Variants in NRXN1 observed in about 807,000 individuals in gnomAD.
NRXN1 encodes neurexin-1.
NRXN1 carries 39 observed loss-of-function variants against 150.9 expected under a neutral mutation model. The observed-to-expected ratio is 0.26, with a 90% CI of 0.20 to 0.34. The LOEUF is 0.34. NRXN1 is among the 10% of genes least tolerant of loss of function. The pLI is 1.00. For synonymous variants in NRXN1, 924 were observed against 757.0 expected (o/e 1.22, Z -3.62); for missense variants, 1,815 against 1,949.9 (o/e 0.93, Z 1.30).
chr2:50,901,332 G>A (rs552011083), intron 5 of NRXN1, among the ~76,000 whole-genome samples: 9 of 152,044 alleles, frequency 5.9e-5, no homozygotes, highest in Non-Finnish European at 7.4e-5. Flanking sequence ...TCAGGAGATC[G>A]AGACCATCCT....
Position 50,538,282 on chromosome 2 carries a change from G to A in NRXN1, c.2114C>T (p.Thr705Ile). ...CTCACAGGACCTGCCAAGATAGCCT[G>A]TTCCGGAACAATCACAGACATATCT... ...WNRYVCDCSGTGYLGRSCERE... is the reference protein window; with the variant it reads ...WNRYVCDCSGIGYLGRSCERE... The change falls in exon 10 of 23, where the codon ACA becomes ATA. Residue 705 changes from threonine (T) to isoleucine (I), a missense_variant. By Grantham distance (89) the Thr-to-Ile change is moderately conservative. This residue lies in a region of NRXN1 where 638 missense variants were observed against 652.6 expected (regional missense o/e 0.98). Coordinates refer to ENST00000401669, the MANE Select transcript of NRXN1 (RefSeq NM_001330078.2). 1 of 1,613,454 alleles carries A rather than the reference G, an allele frequency of 6.2e-7. No homozygotes were observed. Among genetic ancestry groups the A allele is most frequent in the Non-Finnish European group, 8.5e-7 (1 of 1,179,458 alleles).
At position 49,997,132 on chromosome 2, in the gene NRXN1, T is replaced by C. The variant is rs1683132535; in HGVS notation, c.4129-53341A>G. On this transcript the variant is annotated intron_variant, in intron 21 of 22. Coordinates refer to ENST00000401669, the MANE Select transcript of NRXN1 (RefSeq NM_001330078.2). The stretch of plus-strand genomic sequence containing the variant: ...GAAATCTTTTTCGAACACAGTACGT[T>C]TGAAATACCAATGGGTCAACACGGT... Among the ~76,000 whole-genome samples, 6 of 152,128 alleles carry C rather than the reference T, an allele frequency of 3.9e-5. No individual in the cohort carries two copies. The South Asian group carries it at 1.2e-3, about 31-fold the overall frequency.
intron 21 of NRXN1, among the ~76,000 whole-genome samples, chr2:50,028,305 G>C (rs377515826): frequency 6.6e-6 from 1 of 152,118 alleles, no homozygotes; most frequent in African/African-American, 2.4e-5. Flanking sequence ...TTAAAGACAG[G>C]TTTTTACCCA....
intron 17 of NRXN1, among the ~76,000 whole-genome samples, chr2:50,242,272 C>A (rs2066071085): frequency 1.3e-5 from 2 of 151,620 alleles, no homozygotes; most frequent in South Asian, 4.1e-4. Context: ...AGAATTTCTA[C>A]CTATATGGAG....
intron 5 of NRXN1, among the ~76,000 whole-genome samples, chr2:50,679,232 T>C (rs571167448): frequency 2.6e-5 from 4 of 152,186 alleles, no homozygotes; most frequent in South Asian, 2.1e-4. Context: ...CTCCAGGTGA[T>C]GGGATAGGTT....
chr2:50,779,637 G>A (rs912823739), intron 5 of NRXN1, among the ~76,000 whole-genome samples: 34 of 151,990 alleles, frequency 2.2e-4, no homozygotes, highest in Admixed American at 8.5e-4. Context: ...GCGTGGTGGC[G>A]GGTGCCTGTA....
intron 18 of NRXN1, among the ~76,000 whole-genome samples, chr2:50,121,544 A>T (rs1347173941): frequency 6.6e-6 from 1 of 152,154 alleles, no homozygotes. Context: ...AAATATCAAC[A>T]CTATGGATTT....
At chr2:50,709,602 C>A (rs1386370392) in intron 5 of NRXN1, among the ~76,000 whole-genome samples, 1 of 152,054 alleles carries the variant, frequency 6.6e-6, no homozygotes, top group African/African-American at 2.4e-5. Context: ...ATTTGGTTAC[C>A]TGAGATATGA....
intron 10 of NRXN1, 30 bp from the exon 11 acceptor site, chr2:50,531,460 C>A (rs753209629): frequency 1.9e-6 from 3 of 1,548,452 alleles, no homozygotes; most frequent in East Asian, 4.6e-5. Flanking sequence ...ATGATAAGTT[C>A]TTGGATGGTA....
chr2:50,769,800 GA>G (rs1306248595), intron 5 of NRXN1, among the ~76,000 whole-genome samples: 1 of 152,058 alleles, frequency 6.6e-6, no homozygotes, highest in Non-Finnish European at 1.5e-5. Context: ...GAAGAAATGG[GA>G]AATTAACATG....
chr2:50,278,818 C>T (rs1405810909), intron 17 of NRXN1, among the ~76,000 whole-genome samples: 1 of 152,030 alleles, frequency 6.6e-6, no homozygotes, highest in African/African-American at 2.4e-5. Context: ...TGGGTTGATT[C>T]TAGTAAAAAA....
chr2:50,431,897 T>C (rs1346526712), intron 17 of NRXN1, among the ~76,000 whole-genome samples: 1 of 152,172 alleles, frequency 6.6e-6, no homozygotes, highest in Non-Finnish European at 1.5e-5. Context: ...TTTCATATAG[T>C]AAGGCAAGAA....
At chr2:50,304,217 T>C (rs1399866942) in intron 17 of NRXN1, among the ~76,000 whole-genome samples, 1 of 152,152 alleles carries the variant, frequency 6.6e-6, no homozygotes, top group Non-Finnish European at 1.5e-5. Context: ...AACCAAACCC[T>C]ATAAAGACAA....
At chr2:50,528,241 A>ATTT (rs3052538) in intron 12 of NRXN1, among the ~76,000 whole-genome samples, 2,718 of 151,214 alleles carry the variant, frequency 0.018, 51 homozygotes, top group South Asian at 0.058. Context: ...GGAATTAAGT[A>ATTT]TTTTTTTTTG....
At chr2:51,003,318 T>C (rs1030059221) in intron 2 of NRXN1, among the ~76,000 whole-genome samples, 1 of 151,932 alleles carries the variant, frequency 6.6e-6, no homozygotes, top group Non-Finnish European at 1.5e-5. Context: ...TGTAGCATAA[T>C]AAAAACGAAC....
At chr2:50,842,774 T>C (rs1673061787) in intron 5 of NRXN1, among the ~76,000 whole-genome samples, 2 of 152,164 alleles carry the variant, frequency 1.3e-5, no homozygotes, top group Non-Finnish European at 2.9e-5. Context: ...ACATTGGTAT[T>C]AGCAAGACCA....
chr2:50,226,303 CTT>C (rs1214345737), intron 18 of NRXN1, among the ~76,000 whole-genome samples: 3 of 151,858 alleles, frequency 2.0e-5, no homozygotes, highest in Non-Finnish European at 4.4e-5. Flanking sequence ...AGTTTAAAAA[CTT>C]TTAAGTGTGC....
chr2:50,220,388 A>G (rs2063793865), intron 18 of NRXN1, among the ~76,000 whole-genome samples: 1 of 151,930 alleles, frequency 6.6e-6, no homozygotes, highest in Non-Finnish European at 1.5e-5. Context: ...GTTGATGATT[A>G]TGCCAACCCT....
intron 2 of NRXN1, among the ~76,000 whole-genome samples, chr2:50,999,876 T>C (rs1699815643): frequency 6.6e-6 from 1 of 152,060 alleles, no homozygotes; most frequent in African/African-American, 2.4e-5. Context: ...CAAAGGTTAC[T>C]CTACTGCCTC....
Sources: allele counts gnomAD v4.1 joint callset (sites outside exome capture counted in the v4.1 genomes callset), GRCh38; gene constraint gnomAD v4.1.1; regional missense constraint gnomAD v4.1.1; transcripts MANE v1.5; gene names NCBI Gene and HGNC (gene_info 2026-07-23, HGNC 2026-07-21).